GGACT: variants seen among roughly 807,000 people sequenced by gnomAD.
The protein encoded by GGACT is gamma-glutamylamine cyclotransferase.
For synonymous variants in GGACT, 118 were observed against 115.3 expected (o/e 1.02, Z -0.15); for missense variants, 241 against 233.2 (o/e 1.03, Z -0.22).
rs2088389164 is a variant in GGACT at position 100,531,784 on chromosome 13, T to C, written c.*346A>G. The C allele has an allele frequency of 2.1e-5, 4 of 192,740 alleles. No homozygotes were observed. The highest frequency in any genetic ancestry group is 2.8e-5 in the Non-Finnish European group (3 of 107,204). The allele number at this position is 192,740 out of a possible 1,614,324, so 11.9% of individuals were successfully genotyped here. ...TAAAATCTAGCGGCAACACCAAGTC[T>C]TTACACTGATCCTAAATATTTATTA... On this transcript the variant is annotated 3_prime_UTR_variant, in exon 3 of 3. Transcript: ENST00000683975.
chr13:100,532,525 C>G lies in GGACT; in HGVS notation c.67G>C (p.Gly23Arg), dbSNP rs1215101298. 6.5e-7 allele frequency: 1 copy of G among 1,548,218 alleles called. No homozygotes were observed. The highest frequency in any genetic ancestry group is 1.2e-5 in the South Asian group (1 of 83,906). The change falls in exon 3 of 3, where the codon GGC becomes CGC. Residue 23 changes from glycine (G) to arginine (R), a missense_variant. Coordinates refer to ENST00000683975, the MANE Select transcript of GGACT (RefSeq NM_001195087.2). Reference sequence around the variant, plus strand: ...CGAAAGGCTGCGGAGCCGTGGGCGCCGTCCCGCAGGACCCTGTGGTTGGGC... The same window carrying G: ...CGAAAGGCTGCGGAGCCGTGGGCGCGGTCCCGCAGGACCCTGTGGTTGGGC... ...GQPNHRVLRD[G>R]AHGSAAFRAR...
chr13:100,569,100 T>A (rs1290400082), intron 2 of GGACT, among the ~76,000 whole-genome samples: 2 of 152,200 alleles, frequency 1.3e-5, no homozygotes, highest in Non-Finnish European at 2.9e-5. Context: ...TGTCTGCTGC[T>A]TTTCCAGGTG....
At chr13:100,578,487 T>C (rs550796614) in intron 2 of GGACT, among the ~76,000 whole-genome samples, 4 of 152,242 alleles carry the variant, frequency 2.6e-5, no homozygotes, top group Non-Finnish European at 5.9e-5. Flanking sequence ...CATTCATTTA[T>C]ATCCCAGCTG....
rs2153012160 is a variant in GGACT at position 100,534,028 on chromosome 13, A to G, written c.-10-1427T>C. Among the ~76,000 whole-genome samples the G allele has an allele frequency of 6.6e-6, 1 of 152,356 alleles. No individual in the cohort carries two copies. The highest frequency in any genetic ancestry group is 2.1e-4 in the South Asian group (1 of 4,828). On this transcript the variant is annotated intron_variant, in intron 2 of 2. Coordinates refer to ENST00000683975, the MANE Select transcript of GGACT (RefSeq NM_001195087.2). The surrounding 1 kb of genome is among the most constrained non-coding windows in gnomAD (Gnocchi z 4.9). ...CCCGCCAGAAATGGCCCCGGACACCACACTTGCCACCAATCATGTGGACAA... is the reference window on the plus strand; with the variant it reads ...CCCGCCAGAAATGGCCCCGGACACCGCACTTGCCACCAATCATGTGGACAA...
chr13:100,579,223 T>A (rs769604898), intron 2 of GGACT, among the ~76,000 whole-genome samples: 1 of 152,112 alleles, frequency 6.6e-6, no homozygotes, highest in Non-Finnish European at 1.5e-5. Context: ...AAACAATTAA[T>A]TATGCAAGAC....
chr13:100,551,295 A>C (rs1239878300), intron 2 of GGACT, among the ~76,000 whole-genome samples: 1 of 151,992 alleles, frequency 6.6e-6, no homozygotes, highest in Non-Finnish European at 1.5e-5. Context: ...AAAAAAAAAC[A>C]AAAACCCATA....
chr13:100,580,630 T>G (rs1875386084), intron 2 of GGACT, among the ~76,000 whole-genome samples: 1 of 152,232 alleles, frequency 6.6e-6, no homozygotes, highest in Non-Finnish European at 1.5e-5. Flanking sequence ...TAAGTAACTC[T>G]TCTGTGTCAA....
intron 2 of GGACT, among the ~76,000 whole-genome samples, chr13:100,558,428 A>T (rs566948913): frequency 1.0e-3 from 155 of 152,342 alleles, no homozygotes; most frequent in South Asian, 2.3e-3. Context: ...ATCATTAGTT[A>T]TTAGGGAAAT....
chr13:100,543,197 C>CTTTTTTTTTTTTTTTTTTTTTTTTTT (rs147710327), intron 2 of GGACT, among the ~76,000 whole-genome samples: 1 of 69,892 alleles, frequency 1.4e-5, no homozygotes, highest in African/African-American at 6.2e-5. Flanking sequence ...AAGACACCAG[C>CTTTTTTTTTTTTTTTTTTTTTTTTTT]TTTTTTTTTT....
intron 2 of GGACT, among the ~76,000 whole-genome samples, chr13:100,561,900 G>T (rs931641207): frequency 2.0e-5 from 3 of 152,190 alleles, no homozygotes; most frequent in Admixed American, 1.3e-4. Flanking sequence ...CAGCATGGGT[G>T]GGTTCAAGCA....
intron 2 of GGACT, among the ~76,000 whole-genome samples, chr13:100,570,706 C>A (rs576231046): frequency 2.6e-5 from 4 of 152,214 alleles, no homozygotes; most frequent in Admixed American, 2.6e-4. Context: ...GAGGCCTCAT[C>A]ATCCATTCTG....
chr13:100,546,200 A>G (rs1055530740), intron 2 of GGACT, among the ~76,000 whole-genome samples: 1 of 151,966 alleles, frequency 6.6e-6, no homozygotes, highest in Non-Finnish European at 1.5e-5. Flanking sequence ...CTCTACTAAA[A>G]ATACAAAAAA....
chr13:100,542,337 G>T (rs2088563141), intron 2 of GGACT, among the ~76,000 whole-genome samples: 1 of 152,156 alleles, frequency 6.6e-6, no homozygotes. Context: ...GAAACGTTGG[G>T]GAGAGCACGG....
chr13:100,588,353 T>A (rs961240825), intron 1 of GGACT, among the ~76,000 whole-genome samples: 8 of 152,184 alleles, frequency 5.3e-5, no homozygotes, highest in Non-Finnish European at 1.0e-4. Flanking sequence ...GAAAAACAAT[T>A]TCTGAGAAGT....
At position 100,531,929 on chromosome 13, in the gene GGACT, C is replaced by G; in HGVS notation, c.*201G>C. The G allele has an allele frequency of 2.4e-6, 1 of 424,538 alleles. No individual in the cohort carries two copies. Among genetic ancestry groups the G allele is most frequent in the Non-Finnish European group, 4.1e-6 (1 of 242,802 alleles). 26.3% of individuals were successfully genotyped at this position (424,538 alleles called of 1,614,324 possible). A position where few individuals can be genotyped will look rare whatever the true frequency, so the allele number is the denominator to read the frequency against. ...AGTTAAAATCCTAAATTTTTCTTAC[C>G]AGGTAGAAAGATGGGAGGGAAGCAC... On this transcript the variant is annotated 3_prime_UTR_variant, in exon 3 of 3. Transcript: ENST00000683975.
At chr13:100,538,042 G>C (rs896024201) in intron 2 of GGACT, 1 of 152,200 alleles carries the variant, frequency 6.6e-6, no homozygotes, top group African/African-American at 2.4e-5. Context: ...GGTTCACCTG[G>C]GTGTACTGGG....
intron 2 of GGACT, among the ~76,000 whole-genome samples, chr13:100,540,894 C>T (rs1038917426): frequency 2.6e-5 from 4 of 152,328 alleles, no homozygotes; most frequent in African/African-American, 9.6e-5. Flanking sequence ...GCCCCTGGGC[C>T]GGGCTGGGAG....
intron 2 of GGACT, chr13:100,539,780 G>T: frequency 1.5e-6 from 1 of 653,430 alleles, no homozygotes; most frequent in Non-Finnish European, 2.7e-6. Context: ...GTAAATGTTT[G>T]GTAGAATTTA....
intron 2 of GGACT, chr13:100,540,265 GGAGA>G: frequency 5.8e-6 from 7 of 1,199,930 alleles, no homozygotes; most frequent in Non-Finnish European, 8.6e-6. Context: ...GGCACGGACC[GGAGA>G]GAGAGTGGGC....
Sources: allele counts gnomAD v4.1 joint callset (sites outside exome capture counted in the v4.1 genomes callset), GRCh38; gene constraint gnomAD v4.1.1; non-coding constraint Gnocchi (gnomAD v3.1); transcripts MANE v1.5; gene names NCBI Gene and HGNC (gene_info 2026-07-23, HGNC 2026-07-21).